GCC1: variants seen among roughly 807,000 people sequenced by gnomAD.
GCC1 encodes GRIP and coiled-coil domain containing 1.
A neutral mutation model predicts 62.5 loss-of-function variants in GCC1; 36 were observed. That is an observed-to-expected ratio of 0.58 (90% CI 0.44 to 0.76). The LOEUF (loss-of-function observed/expected upper bound fraction) is 0.76, where lower values mean the gene tolerates loss of function less well. Among genes scored for constraint, GCC1 ranks in the 30% least tolerant of loss-of-function variants. The pLI is 0.00. For synonymous variants in GCC1, 391 were observed against 386.8 expected (o/e 1.01, Z -0.13); for missense variants, 885 against 948.3 (o/e 0.93, Z 0.88).
rs759995827 is a variant in GCC1, at chr7:127,584,388, C to T, written c.795G>A (p.Glu265=). 6.2e-6 allele frequency: 10 copies of T among 1,614,066 alleles called. No individual in the cohort carries two copies. Among genetic ancestry groups the T allele is most frequent in the Non-Finnish European group, 8.5e-6 (10 of 1,180,026 alleles). ...QEERTQRQDL[E]LRLEETREAL... is the part of the protein sequence containing the mutation. Reference sequence around the variant, plus strand: ...CTTCTCGGGTCTCTTCTAACCTAAGCTCCAAGTCCTGGCGCTGGGTCCTCT... The same window carrying T: ...CTTCTCGGGTCTCTTCTAACCTAAGTTCCAAGTCCTGGCGCTGGGTCCTCT... Residue 265 remains glutamate (E), a synonymous_variant, in exon 1 of 2, where the codon GAG becomes GAA. Transcript: ENST00000321407.
intron 1 of GCC1, 59 bp from the exon 2 acceptor site, chr7:127,583,368 G>C: frequency 4.4e-6 from 6 of 1,371,122 alleles, no homozygotes; most frequent in Non-Finnish European, 6.0e-6. Context: ...CAAACTCTGA[G>C]AAAGCAGGAG....
chr7:127,582,054 A>G lies in GCC1; in HGVS notation c.2288T>C (p.Leu763Pro), dbSNP rs762342879. The G allele has an allele frequency of 3.7e-6, 6 of 1,613,958 alleles. No homozygotes were observed. Among genetic ancestry groups the G allele is most frequent in the Middle Eastern group, 1.6e-4 (1 of 6,084 alleles). Residue 763 changes from leucine (L) to proline (P), a missense_variant, in exon 2 of 2, where the codon CTC becomes CCC. Physicochemically the swap from Leu to Pro is moderately conservative, Grantham distance 98. Transcript: ENST00000321407. This position sits in a 1 kb window ranked among gnomAD's most constrained non-coding sequence, Gnocchi z 4.8. Reference protein sequence around the residue: ...SPEEKQVIMRLPTSASWWPSG... With the variant: ...SPEEKQVIMRPPTSASWWPSG... ...AGGCCACCAGCTGGCACTGGTTGGG[A>G]GTCGCATTATCACTTGTTTCTCCTC... is the stretch of plus-strand genomic sequence containing the variant.
In GCC1 at chr7:127,583,284, C is replaced by A. The variant is rs200011353; in HGVS notation, c.1058G>T (p.Arg353Leu). 1 of 1,605,396 alleles carries A rather than the reference C, an allele frequency of 6.2e-7. No individual in the cohort carries two copies. Among genetic ancestry groups the A allele is most frequent in the African/African-American group, 1.3e-5 (1 of 74,796 alleles). The change falls in exon 2 of 2, where the codon CGT becomes CTT. Residue 353 changes from arginine (R) to leucine (L), a missense_variant. By Grantham distance (102) the Arg-to-Leu change is moderately radical (BLOSUM62 -2). Transcript: ENST00000321407. ...RKTALAEDQL[R>L]QQSQVEEQRV... The stretch of plus-strand genomic sequence containing the variant: ...CTGTTCTTCTACCTGAGATTGCTGA[C>A]GGAGTTGATCCTCTGCAAGAGCTGT...
rs141951933 is a variant in GCC1 at position 127,582,224 on chromosome 7, G to A, written c.2118C>T (p.Ile706=). The A allele has an allele frequency of 2.4e-3, 3,813 of 1,614,098 alleles. 7 individuals carry two copies. Among genetic ancestry groups the A allele is most frequent in the Non-Finnish European group, 2.5e-3 (2,929 of 1,180,008 alleles). The stretch of plus-strand genomic sequence containing the variant: ...TGCTCTGGTCCCTGATGTTCTTTTC[G>A]ATGTGGCTCTGCAGGGCTGCAACCT... ...REEVAALQSH[I]EKNIRDQSRE... is the part of the protein sequence containing the mutation. The change falls in exon 2 of 2, where the codon ATC becomes ATT. Residue 706 remains isoleucine (I), a synonymous_variant. Transcript: ENST00000321407. This position sits in a 1 kb window ranked among gnomAD's most constrained non-coding sequence, Gnocchi z 4.8.
In GCC1 at chr7:127,581,890, C is replaced by T. The variant is rs1562951452; in HGVS notation, c.*124G>A. The T allele has an allele frequency of 1.3e-6, 1 of 754,584 alleles. No individual in the cohort carries two copies. The highest frequency in any genetic ancestry group is 1.8e-5 in the South Asian group (1 of 54,632). The allele number at this position is 754,584 out of a possible 1,614,324, so 46.7% of individuals were successfully genotyped here. On this transcript the variant is annotated 3_prime_UTR_variant, in exon 2 of 2. Transcript: ENST00000321407. ...AGAAAATCCCTTCCCACATTGAAGA[C>T]TCCTCCCAGCTCAACACAGTGAAGA...
Position 127,585,353 on chromosome 7 carries a change from G to A in GCC1, c.-171C>T. The A allele has an allele frequency of 1.5e-6, 1 of 663,618 alleles. No individual in the cohort carries two copies. The highest frequency in any genetic ancestry group is 2.5e-6 in the Non-Finnish European group (1 of 402,840). The allele number at this position is 663,618 out of a possible 1,614,324, so 41.1% of individuals were successfully genotyped here. On this transcript the variant is annotated 5_prime_UTR_variant, in exon 1 of 2. Coordinates refer to ENST00000321407, the MANE Select transcript of GCC1 (RefSeq NM_024523.6). ...ATGCGGAACGGCCGGACGGACTGGC[G>A]AAAGCGGCCGCCCGGTCCCAGGCCC...
Position 127,582,742 on chromosome 7 carries a change from G to A in GCC1, c.1600C>T (p.Leu534=). The A allele has an allele frequency of 6.2e-7, 1 of 1,614,172 alleles. No individual in the cohort carries two copies. ...TCCAGCTCCTCGCAGGAGAGCCGCA[G>A]GGAAATATACTTCTCCTTCAGCTCT... The part of the protein sequence containing the change: ...LAELKEKYIS[L]RLSCEELEHQ... Residue 534 remains leucine, a synonymous_variant, in exon 2 of 2, where the codon CTG becomes TTG. Transcript: ENST00000321407. This position sits in a 1 kb window ranked among gnomAD's most constrained non-coding sequence, Gnocchi z 4.8.
Position 127,585,223 on chromosome 7 carries a change from G to T in GCC1, c.-41C>A. 6.6e-7 allele frequency: 1 copy of T among 1,523,248 alleles called. No homozygotes were observed. The highest frequency in any genetic ancestry group is 8.8e-7 in the Non-Finnish European group (1 of 1,135,970). 94.4% of individuals were successfully genotyped at this position (1,523,248 alleles called of 1,614,324 possible). On this transcript the variant is annotated 5_prime_UTR_variant, in exon 1 of 2. The change creates a new upstream start codon in the 5' untranslated region. Coordinates refer to ENST00000321407, the MANE Select transcript of GCC1 (RefSeq NM_024523.6). ...ATTGCCCCACGTCAGCTTTCCAGCA[G>T]AACGGGAGAGGGCCGTGAAGACGCA...
rs75885260 is a variant in GCC1 at position 127,583,229 on chromosome 7, G to C, written c.1113C>G (p.Ser371=). The change falls in exon 2 of 2, where the codon TCC becomes TCG. Residue 371 remains serine, a synonymous_variant. Transcript: ENST00000321407. ...QRVAALENQI[S]EVSELLGTYE... ...AGGTGCCTAGCAGCTCAGACACCTC[G>C]GATATTTGATTCTCCAGGGCTGCCA... The C allele has an allele frequency of 3.9e-4, 632 of 1,613,566 alleles. 3 individuals are homozygous for C. The African/African-American group carries it at 7.7e-3, about 20-fold the overall frequency.
rs1386441441 is a variant in GCC1 at position 127,582,776 on chromosome 7, T to A, written c.1566A>T (p.Glu522Asp). The change falls in exon 2 of 2, where the codon GAA (glutamate) becomes GAT (aspartate). Residue 522 changes from glutamate (E) to aspartate (D), a missense_variant. Physicochemically the swap from Glu to Asp is conservative, Grantham distance 45. Coordinates refer to ENST00000321407, the MANE Select transcript of GCC1 (RefSeq NM_024523.6). The surrounding 1 kb of genome is among the most constrained non-coding windows in gnomAD (Gnocchi z 4.8). ...ACTTCTCCTTCAGCTCTGCAAGCTG[T>A]TCCTGGGCTGCCTCCAGCTCCTTTC... is the stretch of plus-strand genomic sequence containing the variant. ...NLGKELEAAQ[E>D]QLAELKEKYI... 6.2e-7 allele frequency: 1 copy of A among 1,614,036 alleles called. No individual in the cohort carries two copies. Among genetic ancestry groups the A allele is most frequent in the East Asian group, 2.2e-5 (1 of 44,894 alleles).
chr7:127,584,151 C>T lies in GCC1; in HGVS notation c.1032G>A (p.Lys344=). The T allele has an allele frequency of 6.2e-7, 1 of 1,612,602 alleles. No homozygotes were observed. ...GTTTGAAAGAGATATGGATAATTAC[C>T]TTTCTCATTTCCTGCTGTAACTGAG... The part of the protein sequence containing the change: ...FQAQLQQEMR[K]TALAEDQLRQ... Residue 344 remains lysine, a splice_region_variant and synonymous_variant, in exon 1 of 2, where the codon AAG becomes AAA. Coordinates refer to ENST00000321407, the MANE Select transcript of GCC1 (RefSeq NM_024523.6).
At chr7:127,583,398 A>C (rs1794162780) in intron 1 of GCC1, 89 bp from the exon 2 acceptor site, 1 of 1,052,228 alleles carries the variant, frequency 9.5e-7, no homozygotes, top group Non-Finnish European at 1.4e-6. Context: ...AAAGGGTCAC[A>C]GGTTTGGGAT....
In GCC1 at chr7:127,585,032, CCT is replaced by C. The variant is rs758152540; in HGVS notation, c.149_150del (p.Glu50GlyfsTer31). The C allele has an allele frequency of 1.9e-6, 3 of 1,614,210 alleles. No homozygotes were observed. Among genetic ancestry groups the C allele is most frequent in the Non-Finnish European group, 1.7e-6 (2 of 1,180,044 alleles). On this transcript the variant is annotated frameshift_variant, in exon 1 of 2. Coordinates refer to ENST00000321407, the MANE Select transcript of GCC1 (RefSeq NM_024523.6). Reference sequence around the variant, plus strand: ...AGCACCTTGATGCTGGCCTCTAATGCCTCTTTCTCCTTCAGCAGGCTTTTATA... The same window carrying C: ...AGCACCTTGATGCTGGCCTCTAATGCCTTTCTCCTTCAGCAGGCTTTTATA... ...RAYKSLLKEK[E>X]ALEASIKVLS...
Position 127,582,685 on chromosome 7 carries a change from T to G in GCC1, c.1657A>C (p.Lys553Gln). 6.2e-7 allele frequency: 1 copy of G among 1,613,814 alleles called. No individual in the cohort carries two copies. Among genetic ancestry groups the G allele is most frequent in the South Asian group, 1.1e-5 (1 of 91,080 alleles). Reference sequence around the variant, plus strand: ...TGCTGCAGCCGGGCCAGCTCCTGCTTCCAGTCATCAGCCTCCTGCTGGTGT... The same window carrying G: ...TGCTGCAGCCGGGCCAGCTCCTGCTGCCAGTCATCAGCCTCCTGCTGGTGT... ...HQHQQEADDW[K>Q]QELARLQQLH... The change falls in exon 2 of 2, where the codon AAG becomes CAG. Residue 553 changes from lysine to glutamine, a missense_variant. Lys to Gln is a moderately conservative substitution (Grantham distance 53). Transcript: ENST00000321407. The surrounding 1 kb of genome is among the most constrained non-coding windows in gnomAD (Gnocchi z 4.8).
Position 127,585,369 on chromosome 7 carries a change from T to C in GCC1, c.-187A>G, listed in dbSNP as rs1422250393. The C allele has an allele frequency of 4.9e-6, 3 of 612,202 alleles. No homozygotes were observed. Among genetic ancestry groups the C allele is most frequent in the Non-Finnish European group, 8.4e-6 (3 of 358,158 alleles). 37.9% of individuals were successfully genotyped at this position (612,202 alleles called of 1,614,324 possible). A position where few individuals can be genotyped will look rare whatever the true frequency, so the allele number is the denominator to read the frequency against. ...CGGACTGGCGAAAGCGGCCGCCCGGTCCCAGGCCCGGAGGGCTGGGGCGGA... is the reference window on the plus strand; with the variant it reads ...CGGACTGGCGAAAGCGGCCGCCCGGCCCCAGGCCCGGAGGGCTGGGGCGGA... On this transcript the variant is annotated 5_prime_UTR_variant, in exon 1 of 2. Transcript: ENST00000321407.
In GCC1 at chr7:127,585,114, G is replaced by C. The variant is rs1794185842; in HGVS notation, c.69C>G (p.Thr23=). 6.2e-7 allele frequency: 1 copy of C among 1,613,760 alleles called. No homozygotes were observed. Among genetic ancestry groups the C allele is most frequent in the Non-Finnish European group, 8.5e-7 (1 of 1,179,942 alleles). ...GGTACTGGAGAAGCTGCTTCTTCTG[G>C]GTCTCTATAGTCTCCAGCAAGTCCT... is the stretch of plus-strand genomic sequence containing the variant. ...SKKDLLETIE[T]QKKQLLQYQA... The change falls in exon 1 of 2, where the codon ACC becomes ACG. Residue 23 remains threonine, a synonymous_variant. Transcript: ENST00000321407.
rs947495254 is a variant in GCC1 at position 127,583,326 on chromosome 7, C to T, written c.1033-17G>A. The T allele has an allele frequency of 6.4e-7, 1 of 1,564,728 alleles. No homozygotes were observed. Among genetic ancestry groups the T allele is most frequent in the South Asian group, 1.2e-5 (1 of 85,822 alleles). The stretch of plus-strand genomic sequence containing the variant: ...AAGAGCTGTCTGCAAAACAAGGGAA[C>T]AGACAAAAATGCATCCACAAAAGCC... On this transcript the variant is annotated splice_polypyrimidine_tract_variant and intron_variant, in intron 1 of 1. Coordinates refer to ENST00000321407, the MANE Select transcript of GCC1 (RefSeq NM_024523.6).
intron 1 of GCC1, among the ~76,000 whole-genome samples, chr7:127,583,535 G>C (rs1278735345): frequency 6.6e-6 from 1 of 152,172 alleles, no homozygotes; most frequent in African/African-American, 2.4e-5. Flanking sequence ...TGGTACATCT[G>C]CTATTGTTCT....
rs1247266270 is a variant in GCC1 at position 127,584,742 on chromosome 7, C to A, written c.441G>T (p.Gly147=). 1.2e-6 allele frequency: 2 copies of A among 1,614,160 alleles called. No individual in the cohort carries two copies. Among genetic ancestry groups the A allele is most frequent in the East Asian group, 4.5e-5 (2 of 44,864 alleles). ...ESGVSSSSGD[G]PFAGGEVDKR... ...TGTCCACCTCCCCACCTGCAAATGG[C>A]CCATCCCCACTGCTACTGCTAACGC... Residue 147 remains glycine, a synonymous_variant, in exon 1 of 2, where the codon GGG becomes GGT. Transcript: ENST00000321407.
Sources: gnomAD v4.1 joint callset for allele counts (sites outside exome capture counted in the v4.1 genomes callset) on GRCh38, gnomAD v4.1.1 for gene constraint, Gnocchi (gnomAD v3.1) non-coding constraint, MANE v1.5 for transcripts, NCBI Gene and HGNC (gene_info 2026-07-23, HGNC 2026-07-21) for gene names.